CTCF: variants seen among roughly 807,000 people sequenced by gnomAD.
CTCF encodes transcriptional repressor CTCF.
CTCF carries 7 observed loss-of-function variants against 72.3 expected under a neutral mutation model. That is an observed-to-expected ratio of 0.10 (90% CI 0.06 to 0.18). The LOEUF (loss-of-function observed/expected upper bound fraction) is 0.18. Among genes scored for constraint, CTCF ranks in the 10% least tolerant of loss-of-function variants. The probability of loss-of-function intolerance (pLI) is 1.00; values close to 1 mark genes in which losing one functional copy is unlikely to be tolerated. For missense variants in CTCF, 516 were observed against 949.1 expected, an observed-to-expected ratio of 0.54 and a Z score of 6.00; for synonymous variants, 374 against 315.8, an observed-to-expected ratio of 1.18 and a Z score of -1.95.
At chr16:67,620,633 C>T in intron 5 of CTCF, 64 bp from the exon 6 acceptor site, 2 of 1,392,194 alleles carry the variant, frequency 1.4e-6, no homozygotes, top group Non-Finnish European at 1.9e-6. Flanking sequence ...TGTGCCTAAC[C>T]TACTGTGCTC....
At chr16:67,564,440 A>G (rs2051317375) in intron 1 of CTCF, among the ~76,000 whole-genome samples, 1 of 152,248 alleles carries the variant, frequency 6.6e-6, no homozygotes, top group African/African-American at 2.4e-5. Flanking sequence ...TCCTCACTGC[A>G]GTCCTCTTCG....
At chr16:67,580,955 A>G (rs2051571725) in intron 2 of CTCF, among the ~76,000 whole-genome samples, 1 of 146,856 alleles carries the variant, frequency 6.8e-6, no homozygotes, top group Non-Finnish European at 1.5e-5. Context: ...TTGAGATGGA[A>G]TCTCGCTCTT....
intron 2 of CTCF, among the ~76,000 whole-genome samples, chr16:67,594,400 GGT>G (rs369594140): frequency 2.7e-5 from 4 of 149,882 alleles, no homozygotes; most frequent in African/African-American, 7.4e-5. Context: ...AAAAAAAAAA[GGT>G]GTAAGAATTG....
At chr16:67,602,537 C>G (rs554833996) in intron 2 of CTCF, among the ~76,000 whole-genome samples, 1 of 152,188 alleles carries the variant, frequency 6.6e-6, no homozygotes, top group East Asian at 1.9e-4. Flanking sequence ...TGAAAAACTT[C>G]TCTTAAAAAG....
intron 7 of CTCF, among the ~76,000 whole-genome samples, chr16:67,626,169 G>A (rs890459168): frequency 1.3e-5 from 2 of 152,072 alleles, no homozygotes; most frequent in Admixed American, 6.6e-5. Context: ...GCTGGGCGCA[G>A]TGGCTCACAC....
intron 8 of CTCF, chr16:67,627,664 G>A (rs1185781161): frequency 1.3e-5 from 2 of 150,012 alleles, no homozygotes; most frequent in African/African-American, 2.5e-5. Flanking sequence ...AAACACGAAG[G>A]TCGGCCGGGC....
At chr16:67,593,757 T>C (rs764552985) in intron 2 of CTCF, among the ~76,000 whole-genome samples, 6 of 152,204 alleles carry the variant, frequency 3.9e-5, no homozygotes, top group Non-Finnish European at 8.8e-5. Context: ...TTGCCCCTTA[T>C]AATGGATAGT....
intron 2 of CTCF, among the ~76,000 whole-genome samples, chr16:67,591,256 C>T (rs1318065479): frequency 2.6e-5 from 4 of 152,166 alleles, no homozygotes; most frequent in Non-Finnish European, 1.5e-5. Flanking sequence ...CTCACCACTG[C>T]ACTCCAGCCT....
At chr16:67,605,109 A>T (rs1208904770) in intron 2 of CTCF, among the ~76,000 whole-genome samples, 1 of 150,836 alleles carries the variant, frequency 6.6e-6, no homozygotes, top group Non-Finnish European at 1.5e-5. Context: ...AGTAGCTGGG[A>T]CTACAGGCAC....
chr16:67,587,982 T>C (rs187697182), intron 2 of CTCF, among the ~76,000 whole-genome samples: 2 of 152,124 alleles, frequency 1.3e-5, no homozygotes, highest in East Asian at 3.9e-4. Context: ...CTGAGCCTCC[T>C]GAGTAGCTGG....
chr16:67,617,898 C>G (rs1457889490), intron 5 of CTCF, among the ~76,000 whole-genome samples: 1 of 152,096 alleles, frequency 6.6e-6, no homozygotes, highest in South Asian at 2.1e-4. Context: ...ATGAGCCAAC[C>G]TAATTTAGTA....
At position 67,638,202 on chromosome 16, in the gene CTCF, C is replaced by G. The variant is rs927329073; in HGVS notation, c.*330C>G. On this transcript the variant is annotated 3_prime_UTR_variant, in exon 12 of 12. Coordinates refer to ENST00000264010, the MANE Select transcript of CTCF (RefSeq NM_006565.4). The stretch of plus-strand genomic sequence containing the variant: ...GTGGTAAACCACTCCAGAATGGCCA[C>G]CAGGCTTCCCAGAGTTCTATGGTCT... 3.5e-6 allele frequency: 1 copy of G among 288,382 alleles called. No individual in the cohort carries two copies. 17.9% of individuals were successfully genotyped at this position (288,382 alleles called of 1,614,324 possible).
chr16:67,621,274 G>C (rs2052195529), intron 6 of CTCF, 168 bp from the exon 7 acceptor site: 1 of 564,534 alleles, frequency 1.8e-6, no homozygotes, highest in East Asian at 2.8e-5. Flanking sequence ...TTTAGGACTT[G>C]GCCATATCTG....
intron 1 of CTCF, among the ~76,000 whole-genome samples, chr16:67,564,457 C>T (rs550105548): frequency 6.8e-4 from 103 of 152,324 alleles, no homozygotes; most frequent in Non-Finnish European, 1.2e-3. Flanking sequence ...TTCGTAGGCA[C>T]GCTTTCTATG....
rs1450589060 is a variant in CTCF, at chr16:67,637,943, CCTT to C, written c.*75_*77del. The C allele has an allele frequency of 2.3e-6, 3 of 1,327,130 alleles. No homozygotes were observed. Among genetic ancestry groups the C allele is most frequent in the African/African-American group, 1.5e-5 (1 of 68,256 alleles). The allele number at this position is 1,327,130 out of a possible 1,614,324, so 82.2% of individuals were successfully genotyped here. A position where few individuals can be genotyped will look rare whatever the true frequency, so the allele number is the denominator to read the frequency against. On this transcript the variant is annotated 3_prime_UTR_variant, in exon 12 of 12. Transcript: ENST00000264010. The stretch of plus-strand genomic sequence containing the variant: ...AACGGCCCGCATCTTAATTTTTCTC[CCTT>C]CTTTCTTTTTTTGGCTTTGGGAAAA...
At chr16:67,618,956 T>G (rs1039317364) in intron 5 of CTCF, among the ~76,000 whole-genome samples, 1 of 152,224 alleles carries the variant, frequency 6.6e-6, no homozygotes. Flanking sequence ...TGCCATTGGA[T>G]TTTGTAAAAC....
intron 2 of CTCF, among the ~76,000 whole-genome samples, chr16:67,585,210 C>T (rs990350967): frequency 2.0e-5 from 3 of 152,110 alleles, no homozygotes; most frequent in African/African-American, 4.8e-5. Flanking sequence ...CCATCATGCC[C>T]GGCTAATTTT....
intron 10 of CTCF, among the ~76,000 whole-genome samples, chr16:67,629,836 G>A (rs1414818250): frequency 1.6e-5 from 2 of 122,250 alleles, no homozygotes; most frequent in Admixed American, 1.1e-4. Flanking sequence ...GTGCACTGGC[G>A]CGATCTCGGC....
At chr16:67,601,112 G>A (rs776835680) in intron 2 of CTCF, among the ~76,000 whole-genome samples, 1 of 152,030 alleles carries the variant, frequency 6.6e-6, no homozygotes, top group Non-Finnish European at 1.5e-5. Context: ...TGGGGAGAAT[G>A]ACCTGGTCCA....
Sources: gnomAD v4.1 joint callset for allele counts (sites outside exome capture counted in the v4.1 genomes callset) on GRCh38, gnomAD v4.1.1 for gene constraint, MANE v1.5 for transcripts, NCBI Gene and HGNC (gene_info 2026-07-23, HGNC 2026-07-21) for gene names.